The following PTPN1 variants were observed in gnomAD, a reference collection of about 807,000 sequenced individuals.
PTPN1 encodes the protein protein tyrosine phosphatase non-receptor type 1.
A neutral mutation model predicts 59.9 loss-of-function variants in PTPN1; 12 were observed. That is an observed-to-expected ratio of 0.20 (90% CI 0.13 to 0.32). The LOEUF (loss-of-function observed/expected upper bound fraction) is 0.32. Ranked by LOEUF, PTPN1 falls within the 10% of genes least tolerant of loss-of-function variation. PTPN1 has a pLI of 1.00. For missense variants in PTPN1, 356 were observed against 549.2 expected, an observed-to-expected ratio of 0.65 and a Z score of 3.52; for synonymous variants, 178 against 203.6, an observed-to-expected ratio of 0.87 and a Z score of 1.07.
In PTPN1 at chr20:50,510,496, A is replaced by C; in HGVS notation, c.-32A>C. On this transcript the variant is annotated 5_prime_UTR_variant, in exon 1 of 10. Transcript: ENST00000371621. ...GAGCGGCAGACGGCGCAGTGGGCCG[A>C]GAAGGAGGCGCAGCAGCCGCCCTGG... 2 of 1,547,748 alleles carry C rather than the reference A, an allele frequency of 1.3e-6. No homozygotes were observed. The highest frequency in any genetic ancestry group is 1.7e-6 in the Non-Finnish European group (2 of 1,145,370).
chr20:50,564,181 C>A (rs1306825626), intron 2 of PTPN1, among the ~76,000 whole-genome samples: 1 of 152,150 alleles, frequency 6.6e-6, no homozygotes, highest in Non-Finnish European at 1.5e-5. Flanking sequence ...GAAGTTCGAT[C>A]TTAAATCCTA....
At chr20:50,553,102 A>G (rs1258304414) in intron 1 of PTPN1, among the ~76,000 whole-genome samples, 2 of 142,716 alleles carry the variant, frequency 1.4e-5, no homozygotes, top group Non-Finnish European at 2.9e-5. Flanking sequence ...AGGAATTTTT[A>G]TGTTTGGTTC....
At chr20:50,545,265 T>C (rs2082670094) in intron 1 of PTPN1, among the ~76,000 whole-genome samples, 2 of 152,164 alleles carry the variant, frequency 1.3e-5, no homozygotes, top group South Asian at 2.1e-4. Context: ...CCAGATACTT[T>C]TTCTTGAGTA....
chr20:50,532,628 T>C (rs2082606351), intron 1 of PTPN1, among the ~76,000 whole-genome samples: 1 of 152,200 alleles, frequency 6.6e-6, no homozygotes, highest in Non-Finnish European at 1.5e-5. Context: ...CATAGAACTA[T>C]GTTAATGATT....
intron 1 of PTPN1, among the ~76,000 whole-genome samples, chr20:50,546,205 G>A (rs6096002): frequency 4.6e-5 from 7 of 152,156 alleles, no homozygotes; most frequent in Non-Finnish European, 1.0e-4. Context: ...TGTGAGGGCA[G>A]GTCTTTTGTC....
chr20:50,540,916 T>G (rs760750254), intron 1 of PTPN1, among the ~76,000 whole-genome samples: 1 of 152,170 alleles, frequency 6.6e-6, no homozygotes, highest in Non-Finnish European at 1.5e-5. Flanking sequence ...CTATCTGGCT[T>G]GTTTCAGGGC....
intron 1 of PTPN1, among the ~76,000 whole-genome samples, chr20:50,537,276 T>C (rs923077670): frequency 5.9e-5 from 9 of 152,178 alleles, no homozygotes; most frequent in African/African-American, 2.2e-4. Flanking sequence ...TGAGCCGAGA[T>C]GGTACCATTC....
At chr20:50,566,708 G>A (rs1352308360) in intron 3 of PTPN1, among the ~76,000 whole-genome samples, 1 of 152,020 alleles carries the variant, frequency 6.6e-6, no homozygotes, top group Non-Finnish European at 1.5e-5. Context: ...ATGTCCAAGG[G>A]GCCCTCCTTC....
At chr20:50,580,496 G>A (rs2082862049) in intron 8 of PTPN1, among the ~76,000 whole-genome samples, 1 of 152,174 alleles carries the variant, frequency 6.6e-6, no homozygotes, top group African/African-American at 2.4e-5. Flanking sequence ...TTTTGGTGGG[G>A]GCCCATGGAC....
At position 50,585,001 on chromosome 20, in the gene PTPN1, T is replaced by C. The variant is rs1013071458; in HGVS notation, c.*2286T>C. The C allele has an allele frequency of 2.0e-5, 3 of 152,182 alleles. No homozygotes were observed. Among genetic ancestry groups the C allele is most frequent in the Non-Finnish European group, 4.4e-5 (3 of 68,022 alleles). 9.4% of individuals were successfully genotyped at this position (152,182 alleles called of 1,614,324 possible). A position where few individuals can be genotyped will look rare whatever the true frequency, so the allele number is the denominator to read the frequency against. On this transcript the variant is annotated 3_prime_UTR_variant, in exon 10 of 10. Transcript: ENST00000371621. ...GGCCTCAGCCCATTTCCTTCCCAAA[T>C]TGACGCTTTGCCTGTGTAGGGCCCT...
chr20:50,544,284 G>A (rs1006301852), intron 1 of PTPN1, among the ~76,000 whole-genome samples: 1 of 152,060 alleles, frequency 6.6e-6, no homozygotes, highest in Non-Finnish European at 1.5e-5. Context: ...CCGAGTAGCT[G>A]GGACCACAGA....
At chr20:50,554,577 G>T (rs917844331) in intron 1 of PTPN1, among the ~76,000 whole-genome samples, 1 of 151,950 alleles carries the variant, frequency 6.6e-6, no homozygotes, top group Non-Finnish European at 1.5e-5. Context: ...GACATACATA[G>T]ATAAATATGA....
Position 50,553,045 on chromosome 20 carries a change from C to G in PTPN1, c.64-8318C>G, listed in dbSNP as rs184348060. Reference sequence around the variant, plus strand: ...ACTTATCAGCTGACATATATTTTGTCTCTCTGTCTCTCTCTGTCTCTCATA... The same window carrying G: ...ACTTATCAGCTGACATATATTTTGTGTCTCTGTCTCTCTCTGTCTCTCATA... On this transcript the variant is annotated intron_variant, in intron 1 of 9. Transcript: ENST00000371621. Among the ~76,000 whole-genome samples the G allele has an allele frequency of 3.4e-4, 52 of 152,194 alleles. No individual in the cohort carries two copies. The South Asian group carries it at 9.3e-3, about 27-fold the overall frequency.
intron 1 of PTPN1, among the ~76,000 whole-genome samples, chr20:50,559,246 T>G (rs1194860538): frequency 1.3e-5 from 2 of 152,150 alleles, no homozygotes; most frequent in African/African-American, 2.4e-5. Flanking sequence ...TTGGCCAGGC[T>G]GGTCTTGAAC....
chr20:50,579,813 G>A lies in PTPN1; in HGVS notation c.975G>A (p.Arg325=), dbSNP rs2122804968. The A allele has an allele frequency of 1.2e-6, 2 of 1,614,132 alleles. No homozygotes were observed. The highest frequency in any genetic ancestry group is 4.5e-5 in the East Asian group (2 of 44,882). The change falls in exon 8 of 10, where the codon AGG becomes AGA. Residue 325 remains arginine, a synonymous_variant. Coordinates refer to ENST00000371621, the MANE Select transcript of PTPN1 (RefSeq NM_002827.4). ...TGGAGCCACACAATGGGAAATGCAG[G>A]GAGTTCTTCCCAAATCACCAGTGGG... The part of the protein sequence containing the change: ...RILEPHNGKC[R]EFFPNHQWVK...
chr20:50,532,715 G>GGGGTGTGTGTGTGTGTCTGTCTATGTGT (rs2122738355), intron 1 of PTPN1, among the ~76,000 whole-genome samples: 1 of 152,222 alleles, frequency 6.6e-6, no homozygotes, highest in East Asian at 1.9e-4. Context: ...TGTGGATGAT[G>GGGGTGTGTGTGTGTGTCTGTCTATGTGT]GGGTGTGTGT....
intron 1 of PTPN1, among the ~76,000 whole-genome samples, chr20:50,522,417 T>G (rs2082555377): frequency 6.6e-6 from 1 of 152,212 alleles, no homozygotes; most frequent in Non-Finnish European, 1.5e-5. Flanking sequence ...CTTTGTGACT[T>G]GGTCAGGAGT....
chr20:50,527,456 G>A (rs1226900108), intron 1 of PTPN1, among the ~76,000 whole-genome samples: 1 of 151,932 alleles, frequency 6.6e-6, no homozygotes, highest in Non-Finnish European at 1.5e-5. Flanking sequence ...CGATTCTCCT[G>A]CCCCAGCCTC....
In PTPN1 at chr20:50,579,203, C is replaced by T. The variant is rs867708800; in HGVS notation, c.738C>T (p.Ile246=). Residue 246 remains isoleucine, a synonymous_variant, in exon 7 of 10, where the codon ATC becomes ATT. Coordinates refer to ENST00000371621, the MANE Select transcript of PTPN1 (RefSeq NM_002827.4). ...GGAAAGACCCTTCTTCCGTTGATAT[C>T]AAGAAAGTGCTGTTAGAAATGAGGA... The part of the protein sequence containing the change: ...DKRKDPSSVD[I]KKVLLEMRKF... The T allele has an allele frequency of 1.9e-6, 3 of 1,614,226 alleles. No individual in the cohort carries two copies. Among genetic ancestry groups the T allele is most frequent in the Non-Finnish European group, 2.5e-6 (3 of 1,180,034 alleles).
Sources: allele counts gnomAD v4.1 joint callset (sites outside exome capture counted in the v4.1 genomes callset), GRCh38; gene constraint gnomAD v4.1.1; transcripts MANE v1.5; gene names NCBI Gene and HGNC (gene_info 2026-07-23, HGNC 2026-07-21).